PLBD1: variants seen among roughly 807,000 people sequenced by gnomAD.
PLBD1 encodes the protein lysosomal leucine aminopeptidase.
Under a neutral mutation model 63.0 loss-of-function variants are expected in PLBD1, and 60 were observed. That is an observed-to-expected ratio of 0.95 (90% confidence interval 0.77 to 1.18). The LOEUF (loss-of-function observed/expected upper bound fraction) is 1.18, where lower values mean the gene tolerates loss of function less well. Ranked by LOEUF, PLBD1 falls within the 50% of genes most tolerant of loss-of-function variation. PLBD1 has a pLI of 0.00. For synonymous variants in PLBD1, 262 were observed against 248.0 expected, an observed-to-expected ratio of 1.06 and a Z score of -0.53; for missense variants, 598 against 677.9, an observed-to-expected ratio of 0.88 and a Z score of 1.31.
At chr12:14,513,119 T>C in intron 6 of PLBD1, among the ~76,000 whole-genome samples, 1 of 152,330 alleles carries the variant, frequency 6.6e-6, no homozygotes, top group South Asian at 2.1e-4. Flanking sequence ...ATATTTTTGT[T>C]ATTTTTTAAC....
At chr12:14,514,120 C>A (rs976470302) in intron 6 of PLBD1, among the ~76,000 whole-genome samples, 1 of 152,150 alleles carries the variant, frequency 6.6e-6, no homozygotes, top group African/African-American at 2.4e-5. Context: ...TGCCATTAAG[C>A]TATAGAGAGC....
chr12:14,533,019 T>C (rs901662673), intron 6 of PLBD1: 2 of 152,194 alleles, frequency 1.3e-5, no homozygotes, highest in Non-Finnish European at 1.5e-5. Flanking sequence ...CATGTTAGCC[T>C]CTTTAGGTGA....
Position 14,540,921 on chromosome 12 carries a change from T to A in PLBD1, c.420-19A>T. 1 of 1,583,782 alleles carries A rather than the reference T, an allele frequency of 6.3e-7. No homozygotes were observed. The highest frequency in any genetic ancestry group is 8.6e-7 in the Non-Finnish European group (1 of 1,158,316). ...TTGCTTCCTGGAAGAGAAATTAGAT[T>A]TGCACCACAGTCTCAATAGTTGCTC... On this transcript the variant is annotated intron_variant, in intron 3 of 10. Coordinates refer to ENST00000240617, the MANE Select transcript of PLBD1 (RefSeq NM_024829.6).
intron 6 of PLBD1, among the ~76,000 whole-genome samples, chr12:14,526,694 C>T (rs779342333): frequency 3.3e-5 from 5 of 152,074 alleles, no homozygotes; most frequent in Non-Finnish European, 7.4e-5. Context: ...CATCCAAGGC[C>T]GGGCATGGTG....
chr12:14,506,293 A>G (rs878920958), intron 9 of PLBD1, 25 bp from the exon 10 acceptor site: 2 of 1,505,852 alleles, frequency 1.3e-6, no homozygotes, highest in Admixed American at 3.4e-5. Flanking sequence ...TGGGGAAGAG[A>G]GTGATTATTG....
chr12:14,567,626 A>T lies in PLBD1; in HGVS notation c.71T>A (p.Leu24Gln), dbSNP rs1178191092. 8.4e-6 allele frequency: 10 copies of T among 1,197,026 alleles called. No individual in the cohort carries two copies. Among genetic ancestry groups the T allele is most frequent in the Admixed American group, 4.9e-5 (2 of 41,078 alleles). 74.2% of individuals were successfully genotyped at this position (1,197,026 alleles called of 1,614,324 possible). ...CGCGGTGACTAACAACAGCGGCAGC[A>T]GCAGCAGCAGCAGCAGAAGCGGTGG... is the stretch of plus-strand genomic sequence containing the variant. ...QPPPLLLLLL[L>Q]LPLLLVTAEP... Residue 24 changes from leucine to glutamine, a missense_variant, in exon 1 of 11, where the codon CTG becomes CAG. Leu to Gln is a moderately radical substitution (Grantham distance 113). Coordinates refer to ENST00000240617, the MANE Select transcript of PLBD1 (RefSeq NM_024829.6).
chr12:14,519,018 A>T (rs1945355813), intron 6 of PLBD1, among the ~76,000 whole-genome samples: 1 of 152,226 alleles, frequency 6.6e-6, no homozygotes, highest in South Asian at 2.1e-4. Context: ...CCCACAAATA[A>T]TAATTATAAA....
Position 14,560,484 on chromosome 12 carries a change from C to T in PLBD1, c.116-7072G>A, listed in dbSNP as rs1339348528. Among the ~76,000 whole-genome samples the T allele has an allele frequency of 2.6e-5, 4 of 152,064 alleles. No individual in the cohort carries two copies. The South Asian group carries it at 8.3e-4, about 32-fold the overall frequency. On this transcript the variant is annotated intron_variant, in intron 1 of 10. Transcript: ENST00000240617. The stretch of plus-strand genomic sequence containing the variant: ...TTCATATTGGGTTTAGCTAAAAATT[C>T]ACTGGTTTTGGTCCTTGAATTGCTT...
chr12:14,560,156 A>G (rs1300047548), intron 1 of PLBD1, among the ~76,000 whole-genome samples: 1 of 152,222 alleles, frequency 6.6e-6, no homozygotes, highest in Non-Finnish European at 1.5e-5. Flanking sequence ...CACTGCGCCC[A>G]GCCCAATTAA....
At position 14,546,181 on chromosome 12, in the gene PLBD1, T is replaced by C. The variant is rs1207441473; in HGVS notation, c.336-3890A>G. On this transcript the variant is annotated intron_variant, in intron 2 of 10. Coordinates refer to ENST00000240617, the MANE Select transcript of PLBD1 (RefSeq NM_024829.6). Reference sequence around the variant, plus strand: ...TACTAAAAATACAAAAAGCCAGGCATGGTGGCACATGCCTGTAACCCCAGC... The same window carrying C: ...TACTAAAAATACAAAAAGCCAGGCACGGTGGCACATGCCTGTAACCCCAGC... Among the ~76,000 whole-genome samples the C allele has an allele frequency of 3.3e-5, 5 of 151,972 alleles. 1 individual carries two copies. Among genetic ancestry groups the C allele is most frequent in the Admixed American group, 2.6e-4 (4 of 15,246 alleles).
chr12:14,506,364 CAG>C (rs1405682749), intron 9 of PLBD1, 96 bp from the exon 10 acceptor site: 33 of 862,726 alleles, frequency 3.8e-5, no homozygotes, highest in Non-Finnish European at 5.7e-5. Context: ...CCTAGATAAT[CAG>C]AGAGTGTACT....
rs74535725 is a variant in PLBD1 at position 14,513,440 on chromosome 12, G to A, written c.845-1729C>T. 2.0e-3 allele frequency among the ~76,000 whole-genome samples: 303 copies of A among 152,152 alleles called. 2 individuals are homozygous for A. Among genetic ancestry groups the A allele is most frequent in the African/African-American group, 7.0e-3 (289 of 41,510 alleles). On this transcript the variant is annotated intron_variant, in intron 6 of 10. Coordinates refer to ENST00000240617, the MANE Select transcript of PLBD1 (RefSeq NM_024829.6). ...TTCTACTAATGTGCAAAAAATGTTT[G>A]TCCACATACTGCCTCAAATCACCCC...
At chr12:14,560,216 T>A (rs1292577593) in intron 1 of PLBD1, among the ~76,000 whole-genome samples, 1 of 151,536 alleles carries the variant, frequency 6.6e-6, no homozygotes, top group Non-Finnish European at 1.5e-5. Context: ...CTACCCTGTC[T>A]TAGGAAAAAA....
At chr12:14,542,822 C>T (rs571407196) in intron 2 of PLBD1, among the ~76,000 whole-genome samples, 5 of 151,982 alleles carry the variant, frequency 3.3e-5, no homozygotes, top group Admixed American at 2.0e-4. Flanking sequence ...CTGAGGCAGG[C>T]GGATCACAAG....
At chr12:14,507,188 A>C in intron 8 of PLBD1, 70 bp from the exon 9 acceptor site, 2 of 1,154,748 alleles carry the variant, frequency 1.7e-6, no homozygotes, top group South Asian at 2.9e-5. Flanking sequence ...GAGAGAGCAA[A>C]AGAAATGTTA....
chr12:14,538,683 T>C (rs1945540102), intron 4 of PLBD1, among the ~76,000 whole-genome samples: 1 of 152,172 alleles, frequency 6.6e-6, no homozygotes, highest in African/African-American at 2.4e-5. Flanking sequence ...TAGAAGTGAT[T>C]TAGATTTTAA....
At chr12:14,511,213 A>G (rs1342924949) in intron 8 of PLBD1, 47 bp downstream of exon 8, 2 of 1,492,912 alleles carry the variant, frequency 1.3e-6, no homozygotes. Flanking sequence ...ATATATGAAC[A>G]CACACATACT....
intron 2 of PLBD1, 81 bp downstream of exon 2, chr12:14,553,112 C>T (rs1421326491): frequency 4.9e-6 from 6 of 1,231,192 alleles, no homozygotes; most frequent in Non-Finnish European, 7.0e-6. Context: ...ATGTGCAATG[C>T]CAGGAAGATG....
At chr12:14,520,577 A>G (rs1414110945) in intron 6 of PLBD1, among the ~76,000 whole-genome samples, 1 of 147,180 alleles carries the variant, frequency 6.8e-6, no homozygotes, top group African/African-American at 2.7e-5. Flanking sequence ...AAACAACTAC[A>G]TTTTGACTAG....
Sources: gnomAD v4.1 joint callset for allele counts (sites outside exome capture counted in the v4.1 genomes callset) on GRCh38, gnomAD v4.1.1 for gene constraint, MANE v1.5 for transcripts, NCBI Gene and HGNC (gene_info 2026-07-23, HGNC 2026-07-21) for gene names.